The following KCNQ1 variants were observed in gnomAD, a reference collection of about 807,000 sequenced individuals.
KCNQ1 encodes potassium voltage-gated channel subfamily Q member 1.
Under a neutral mutation model 72.4 loss-of-function variants are expected in KCNQ1, and 49 were observed. That is an observed-to-expected ratio of 0.68 (90% CI 0.54 to 0.86). The LOEUF is 0.86. Among genes scored for constraint, KCNQ1 ranks in the 40% least tolerant of loss-of-function variants. The pLI, the probability that KCNQ1 is intolerant of heterozygous loss-of-function variation, is 0.00. For missense variants in KCNQ1, 790 were observed against 945.1 expected, an observed-to-expected ratio of 0.84 and a Z score of 2.15; for synonymous variants, 450 against 412.6, an observed-to-expected ratio of 1.09 and a Z score of -1.10.
rs907785173 is a variant in KCNQ1, at chr11:2,772,471, C to A, written c.1591-3489C>A. Reference sequence around the variant, plus strand: ...TCAGGATGATCTTTCCAGCCCAACCCCAGAGGACCACTGGACAAAGGCCCC... The same window carrying A: ...TCAGGATGATCTTTCCAGCCCAACCACAGAGGACCACTGGACAAAGGCCCC... On this transcript the variant is annotated intron_variant, in intron 12 of 15. Transcript: ENST00000155840. The surrounding 1 kb of genome is among the most constrained non-coding windows in gnomAD (Gnocchi z 6.6). 1.3e-5 allele frequency among the ~76,000 whole-genome samples: 2 copies of A among 152,076 alleles called. No homozygotes were observed. The highest frequency in any genetic ancestry group is 2.9e-5 in the Non-Finnish European group (2 of 68,004).
At chr11:2,445,981 C>T (rs993539142) in intron 1 of KCNQ1, among the ~76,000 whole-genome samples, 3 of 152,090 alleles carry the variant, frequency 2.0e-5, no homozygotes, top group Non-Finnish European at 4.4e-5. Context: ...GTGACGGTGG[C>T]GGTGCTCCCT....
At chr11:2,460,932 G>C (rs1846268608) in intron 1 of KCNQ1, among the ~76,000 whole-genome samples, 1 of 152,210 alleles carries the variant, frequency 6.6e-6, no homozygotes, top group Non-Finnish European at 1.5e-5. Flanking sequence ...TGCTGCATGG[G>C]GGTGTGGCCT....
At chr11:2,525,364 C>A (rs1347247841) in intron 1 of KCNQ1, among the ~76,000 whole-genome samples, 1 of 152,240 alleles carries the variant, frequency 6.6e-6, no homozygotes, top group African/African-American at 2.4e-5. Context: ...CCCGGAGGCT[C>A]CAGCTGTGTC....
In KCNQ1 at chr11:2,563,387, T is replaced by A. The variant is rs1037980798; in HGVS notation, c.478-7241T>A. Among the ~76,000 whole-genome samples, 5 of 152,328 alleles carry A rather than the reference T, an allele frequency of 3.3e-5. No individual in the cohort carries two copies. The highest frequency in any genetic ancestry group is 1.2e-4 in the African/African-American group (5 of 41,582). On this transcript the variant is annotated intron_variant, in intron 2 of 15. Coordinates refer to ENST00000155840, the MANE Select transcript of KCNQ1 (RefSeq NM_000218.3). This position sits in a 1 kb window ranked among gnomAD's most constrained non-coding sequence, Gnocchi z 7.4. ...GATAAGCACCTGCTTTGCTAGACCC[T>A]TGCTGGCCCTCCGGCTTCGGGCAGG...
rs530820089 is a variant in KCNQ1 at position 2,668,212 on chromosome 11, C to T, written c.1514+6131C>T. 5.0e-6 allele frequency: 2 copies of T among 398,640 alleles called. No homozygotes were observed. The highest frequency in any genetic ancestry group is 3.6e-5 in the East Asian group (1 of 28,080). 24.7% of individuals were successfully genotyped at this position (398,640 alleles called of 1,614,324 possible). A position where few individuals can be genotyped will look rare whatever the true frequency, so the allele number is the denominator to read the frequency against. On this transcript the variant is annotated intron_variant, in intron 11 of 15. Transcript: ENST00000155840. This position sits in a 1 kb window ranked among gnomAD's most constrained non-coding sequence, Gnocchi z 4.3. ...GTGTGCATGGCCTACATCATTCATC[C>T]ATTCTACCACCTGTGGCCAGCAGGC...
rs748542115 is a variant in KCNQ1, at chr11:2,463,660, G to A, written c.386+18176G>A. ...GTGTACTCCCTGTGCTGGGCACTGCGCTGAGCTCAACACACAGGGGCTCGG... is the reference window on the plus strand; with the variant it reads ...GTGTACTCCCTGTGCTGGGCACTGCACTGAGCTCAACACACAGGGGCTCGG... On this transcript the variant is annotated intron_variant, in intron 1 of 15. Transcript: ENST00000155840. The surrounding 1 kb of genome is among the most constrained non-coding windows in gnomAD (Gnocchi z 7.0). Among the ~76,000 whole-genome samples the A allele has an allele frequency of 7.2e-5, 11 of 152,282 alleles. No individual in the cohort carries two copies. The highest frequency in any genetic ancestry group is 1.3e-4 in the Admixed American group (2 of 15,304).
intron 15 of KCNQ1, among the ~76,000 whole-genome samples, chr11:2,796,254 C>G (rs989579104): frequency 6.6e-6 from 1 of 152,252 alleles, no homozygotes; most frequent in African/African-American, 2.4e-5. Context: ...GGCCCCCTGC[C>G]AGGTGACGCT....
Position 2,679,871 on chromosome 11 carries a change from G to C in KCNQ1, c.1514+17790G>C, listed in dbSNP as rs151249337. ...CATGCATTTTTTTCATATAAACTTAGAACTAGCACGCCTAATTTTTTTTTT... is the reference window on the plus strand; with the variant it reads ...CATGCATTTTTTTCATATAAACTTACAACTAGCACGCCTAATTTTTTTTTT... On this transcript the variant is annotated intron_variant, in intron 11 of 15. Coordinates refer to ENST00000155840, the MANE Select transcript of KCNQ1 (RefSeq NM_000218.3). This position sits in a 1 kb window ranked among gnomAD's most constrained non-coding sequence, Gnocchi z 4.8. 267 of 398,300 alleles carry C rather than the reference G, an allele frequency of 6.7e-4. No individual in the cohort carries two copies. Among genetic ancestry groups the C allele is most frequent in the African/African-American group, 5.2e-3 (253 of 48,666 alleles). The allele number at this position is 398,300 out of a possible 1,614,324, so 24.7% of individuals were successfully genotyped here.
Position 2,457,013 on chromosome 11 carries a change from AAAG to A in KCNQ1, c.386+11534_386+11536del. ...AAAAGATATGGTAGACAGTTCTTAA[AAAG>A]AAGACATACAAACAGTCAAACACAT... On this transcript the variant is annotated intron_variant, in intron 1 of 15. Transcript: ENST00000155840. This position sits in a 1 kb window ranked among gnomAD's most constrained non-coding sequence, Gnocchi z 5.0. Among the ~76,000 whole-genome samples the A allele has an allele frequency of 6.6e-6, 1 of 152,292 alleles. No homozygotes were observed. The highest frequency in any genetic ancestry group is 1.5e-5 in the Non-Finnish European group (1 of 68,020).
intron 2 of KCNQ1, among the ~76,000 whole-genome samples, chr11:2,551,891 G>A (rs4539307): frequency 0.21 from 31,561 of 152,192 alleles, 3,427 homozygotes; most frequent in Non-Finnish European, 0.24. Context: ...CTCCTTTGAT[G>A]GAGGATCTGT....
intron 11 of KCNQ1, among the ~76,000 whole-genome samples, chr11:2,755,354 G>A (rs1051386343): frequency 1.3e-5 from 2 of 152,146 alleles, no homozygotes; most frequent in Admixed American, 6.5e-5. Flanking sequence ...TGGCTCAAAC[G>A]ATTCTTCCAC....
At chr11:2,721,219 G>C (rs563123341) in intron 11 of KCNQ1, among the ~76,000 whole-genome samples, 2 of 152,156 alleles carry the variant, frequency 1.3e-5, no homozygotes, top group Admixed American at 1.3e-4. Flanking sequence ...CAGCATCCAC[G>C]ACTAATTTCT....
chr11:2,631,921 G>T, intron 10 of KCNQ1: 1 of 397,272 alleles, frequency 2.5e-6, no homozygotes, highest in Non-Finnish European at 4.4e-6. Flanking sequence ...AGTGGCTCAC[G>T]CCTGTAATCC....
In KCNQ1 at chr11:2,536,534, C is replaced by T. The variant is rs933453315; in HGVS notation, c.477+8516C>T. Among the ~76,000 whole-genome samples, 3 of 152,084 alleles carry T rather than the reference C, an allele frequency of 2.0e-5. No homozygotes were observed. The highest frequency in any genetic ancestry group is 4.8e-5 in the African/African-American group (2 of 41,392). ...GCCCTCCCAGCGAGACACTGAGGGT[C>T]GGGAGGGTAACATGTGATTTTGAGG... On this transcript the variant is annotated intron_variant, in intron 2 of 15. Coordinates refer to ENST00000155840, the MANE Select transcript of KCNQ1 (RefSeq NM_000218.3). This position sits in a 1 kb window ranked among gnomAD's most constrained non-coding sequence, Gnocchi z 7.4.
At chr11:2,577,918 C>G (rs1160384096) in intron 6 of KCNQ1, among the ~76,000 whole-genome samples, 1 of 152,146 alleles carries the variant, frequency 6.6e-6, no homozygotes, top group South Asian at 2.1e-4. Context: ...AGGCCACCCC[C>G]CTAGGCCCCT....
rs1850128563 is a variant in KCNQ1, at chr11:2,668,732, G to A, written c.1514+6651G>A. ...CACAGACACACACATTGCAAATATCGCCTCCCCCTCTGCAGGCTGCCTTCT... is the reference window on the plus strand; with the variant it reads ...CACAGACACACACATTGCAAATATCACCTCCCCCTCTGCAGGCTGCCTTCT... On this transcript the variant is annotated intron_variant, in intron 11 of 15. Transcript: ENST00000155840. The surrounding 1 kb of genome is among the most constrained non-coding windows in gnomAD (Gnocchi z 4.3). 7.5e-6 allele frequency: 3 copies of A among 398,242 alleles called. No homozygotes were observed. Among genetic ancestry groups the A allele is most frequent in the South Asian group, 1.3e-4 (1 of 7,844 alleles). The allele number at this position is 398,242 out of a possible 1,614,324, so 24.7% of individuals were successfully genotyped here.
rs1017255320 is a variant in KCNQ1, at chr11:2,477,652, A to C, written c.386+32168A>C. 2.0e-5 allele frequency among the ~76,000 whole-genome samples: 3 copies of C among 151,588 alleles called. No individual in the cohort carries two copies. In the East Asian group the frequency reaches 5.8e-4, roughly 29 times the overall value. ...AGTAGTTCATGCCTGTAATCCCACC[A>C]CTTTGGGAGGCTAAGGTGGGAGGAT... On this transcript the variant is annotated intron_variant, in intron 1 of 15. Coordinates refer to ENST00000155840, the MANE Select transcript of KCNQ1 (RefSeq NM_000218.3). This position sits in a 1 kb window ranked among gnomAD's most constrained non-coding sequence, Gnocchi z 5.0.
chr11:2,447,739 A>G lies in KCNQ1; in HGVS notation c.386+2255A>G, dbSNP rs1846062256. On this transcript the variant is annotated intron_variant, in intron 1 of 15. Transcript: ENST00000155840. This position sits in a 1 kb window ranked among gnomAD's most constrained non-coding sequence, Gnocchi z 7.6. ...TTAGGTGGATTGTGAAATGAGAAAT[A>G]TTGTGGTTTCTGGCCTGAAGACGAC... 6.6e-6 allele frequency among the ~76,000 whole-genome samples: 1 copy of G among 152,086 alleles called. No individual in the cohort carries two copies. Among genetic ancestry groups the G allele is most frequent in the African/African-American group, 2.4e-5 (1 of 41,412 alleles).
At chr11:2,758,696 C>A (rs1161907879) in intron 11 of KCNQ1, among the ~76,000 whole-genome samples, 2 of 152,206 alleles carry the variant, frequency 1.3e-5, no homozygotes, top group Non-Finnish European at 2.9e-5. Flanking sequence ...AGTGGTGCAT[C>A]CCTACCCTGA....
Sources: gnomAD v4.1 joint callset for allele counts (sites outside exome capture counted in the v4.1 genomes callset) on GRCh38, gnomAD v4.1.1 for gene constraint, Gnocchi (gnomAD v3.1) non-coding constraint, MANE v1.5 for transcripts, NCBI Gene and HGNC (gene_info 2026-07-23, HGNC 2026-07-21) for gene names.